RAPGEF2: variants seen among roughly 807,000 people sequenced by gnomAD.
RAPGEF2 encodes PDZ domain containing guanine nucleotide exchange factor (GEF) 1.
In RAPGEF2, 54 loss-of-function variants were observed where a neutral mutation model predicts 186.7. The observed-to-expected ratio is 0.29, with a 90% confidence interval of 0.23 to 0.36. The LOEUF (loss-of-function observed/expected upper bound fraction) is 0.36. RAPGEF2 is among the 10% of genes least tolerant of loss of function. The probability of loss-of-function intolerance (pLI) is 1.00; values close to 1 mark genes in which losing one functional copy is unlikely to be tolerated. For missense variants in RAPGEF2, 1,532 were observed against 2,045.0 expected (o/e 0.75, Z 4.84); for synonymous variants, 712 against 705.9 (o/e 1.01, Z -0.14).
chr4:159,345,293 A>G lies in RAPGEF2; in HGVS notation c.3466A>G (p.Thr1156Ala). 6.2e-7 allele frequency: 1 copy of G among 1,614,174 alleles called. No homozygotes were observed. The highest frequency in any genetic ancestry group is 8.5e-7 in the Non-Finnish European group (1 of 1,180,030). ...ELEMDEESLQ[T>A]LSLQCEPATN... ...AGAAATGGACGAGGAGAGTCTTCAGACATTATCTCTGCAGTGTGAGCCAGC... is the reference window on the plus strand; with the variant it reads ...AGAAATGGACGAGGAGAGTCTTCAGGCATTATCTCTGCAGTGTGAGCCAGC... Residue 1156 changes from threonine (T) to alanine (A), a missense_variant, in exon 24 of 30, where the codon ACA becomes GCA. Around this residue, in one of 4 missense-constraint regions of RAPGEF2, gnomAD observed 117 missense variants for 180.8 expected, o/e 0.65. Transcript: ENST00000691494.
intron 1 of RAPGEF2, among the ~76,000 whole-genome samples, chr4:159,182,840 A>G (rs1378217160): frequency 6.6e-6 from 1 of 152,164 alleles, no homozygotes; most frequent in Non-Finnish European, 1.5e-5. Flanking sequence ...TTTTTTTCTT[A>G]ATTAAAAGGA....
intron 29 of RAPGEF2, among the ~76,000 whole-genome samples, chr4:159,357,274 TC>T (rs1732167307): frequency 1.3e-5 from 2 of 152,158 alleles, no homozygotes; most frequent in South Asian, 2.1e-4. Flanking sequence ...AGTGGAAGGA[TC>T]ACTTGAGCCC....
intron 1 of RAPGEF2, among the ~76,000 whole-genome samples, chr4:159,169,137 T>G (rs1199404360): frequency 6.6e-6 from 1 of 152,054 alleles, no homozygotes; most frequent in East Asian, 1.9e-4. Flanking sequence ...ACCAGTGAAC[T>G]GCAAATGAAG....
At chr4:159,153,411 G>C (rs1743772886) in intron 1 of RAPGEF2, among the ~76,000 whole-genome samples, 2 of 152,160 alleles carry the variant, frequency 1.3e-5, no homozygotes, top group African/African-American at 4.8e-5. Context: ...TGAAGTGTGA[G>C]AACCACTGTT....
Position 159,226,393 on chromosome 4 carries a change from G to C in RAPGEF2, c.282-12416G>C, listed in dbSNP as rs959659749. Among the ~76,000 whole-genome samples the C allele has an allele frequency of 2.6e-5, 4 of 152,236 alleles. No individual in the cohort carries two copies. The East Asian group carries it at 7.7e-4, about 29-fold the overall frequency. On this transcript the variant is annotated intron_variant, in intron 4 of 29. Coordinates refer to ENST00000691494, the MANE Select transcript of RAPGEF2 (RefSeq NM_001394067.2). ...GTTCTTCCACCAATACCACATTTGT[G>C]TAACTTTATAGTCACTTTTGAAGTC...
chr4:159,163,777 CAAG>C (rs1270142104), intron 1 of RAPGEF2, among the ~76,000 whole-genome samples: 1 of 151,322 alleles, frequency 6.6e-6, no homozygotes, highest in African/African-American at 2.5e-5. Context: ...TAAAAAATGC[CAAG>C]AAGGGGTTAC....
In RAPGEF2 at chr4:159,161,067, A is replaced by G. The variant is rs142935257; in HGVS notation, c.70-25575A>G. Among the ~76,000 whole-genome samples the G allele has an allele frequency of 2.7e-3, 410 of 152,324 alleles. 1 individual carries two copies. The highest frequency in any genetic ancestry group is 9.2e-3 in the African/African-American group (383 of 41,580). On this transcript the variant is annotated intron_variant, in intron 1 of 29. Transcript: ENST00000691494. ...TAAGATGGGAATTTACATGGGATAA[A>G]AGAAAAAAGTACCTTAAATGAGGAC...
At chr4:159,196,325 G>A (rs139780499) in intron 3 of RAPGEF2, among the ~76,000 whole-genome samples, 22 of 151,804 alleles carry the variant, frequency 1.4e-4, no homozygotes, top group African/African-American at 3.9e-4. Context: ...CCTCTTTTTC[G>A]GACCTGTTAT....
At chr4:159,344,198 TGG>T (rs1256426376) in intron 23 of RAPGEF2, 139 bp downstream of exon 23, 1 of 839,380 alleles carries the variant, frequency 1.2e-6, no homozygotes, top group African/African-American at 1.7e-5. Flanking sequence ...GAATTTCAGA[TGG>T]CAAATTGACT....
intron 3 of RAPGEF2, among the ~76,000 whole-genome samples, chr4:159,195,842 C>T (rs1199400963): frequency 2.1e-5 from 3 of 141,932 alleles, no homozygotes; most frequent in Non-Finnish European, 4.5e-5. Context: ...TTATTTAAAT[C>T]GAAGGTAGAT....
At chr4:159,149,772 A>ATCT (rs1743334736) in intron 1 of RAPGEF2, among the ~76,000 whole-genome samples, 1 of 152,212 alleles carries the variant, frequency 6.6e-6, no homozygotes, top group Non-Finnish European at 1.5e-5. Context: ...TCTGGTAAGC[A>ATCT]TCTTATAGAG....
At chr4:159,220,474 TC>T (rs890050755) in intron 4 of RAPGEF2, among the ~76,000 whole-genome samples, 5 of 152,144 alleles carry the variant, frequency 3.3e-5, no homozygotes, top group Admixed American at 1.3e-4. Flanking sequence ...ATTTGGGAAT[TC>T]CGTGATTTCC....
chr4:159,141,574 C>CT (rs1742335541), intron 1 of RAPGEF2, among the ~76,000 whole-genome samples: 1 of 147,850 alleles, frequency 6.8e-6, no homozygotes, highest in Non-Finnish European at 1.5e-5. Flanking sequence ...ATTATGGAGA[C>CT]TAAGTGTGTA....
chr4:159,355,899 C>CG lies in RAPGEF2; in HGVS notation c.4698_4699insG (p.Tyr1567ValfsTer8). Reference sequence around the variant, plus strand: ...GAGAGCCCCCGCCCACCCCTCCCGGCTACATTGGAATTCCCATTACTGACT... The same window carrying CG: ...GAGAGCCCCCGCCCACCCCTCCCGGCGTACATTGGAATTCCCATTACTGACT... On this transcript the variant is annotated frameshift_variant, in exon 29 of 30. Coordinates refer to ENST00000691494, the MANE Select transcript of RAPGEF2 (RefSeq NM_001394067.2). LOFTEE classifies it high-confidence loss of function. 6.4e-7 allele frequency: 1 copy of CG among 1,550,938 alleles called. No individual in the cohort carries two copies. Among genetic ancestry groups the CG allele is most frequent in the Non-Finnish European group, 8.7e-7 (1 of 1,147,394 alleles).
chr4:159,299,678 A>G (rs1374048794), intron 7 of RAPGEF2, among the ~76,000 whole-genome samples: 1 of 152,020 alleles, frequency 6.6e-6, no homozygotes, highest in Non-Finnish European at 1.5e-5. Context: ...GTATTTACTT[A>G]TTGGTATCAG....
At position 159,241,301 on chromosome 4, in the gene RAPGEF2, A is replaced by G; in HGVS notation, c.458A>G (p.Gln153Arg). 6.5e-7 allele frequency: 1 copy of G among 1,533,186 alleles called. No individual in the cohort carries two copies. Among genetic ancestry groups the G allele is most frequent in the Non-Finnish European group, 8.7e-7 (1 of 1,145,122 alleles). 95.0% of individuals were successfully genotyped at this position (1,533,186 alleles called of 1,614,324 possible). ...AAAATCAACCAGAAAGGTGAAAGAC[A>G]AACAATTATTGACACTGTGGATCCT... ...FRKINQKGER[Q>R]TIIDTVDPYP... The change falls in exon 6 of 30, where the codon CAA (glutamine) becomes CGA (arginine). Residue 153 changes from glutamine to arginine, a missense_variant. Coordinates refer to ENST00000691494, the MANE Select transcript of RAPGEF2 (RefSeq NM_001394067.2).
chr4:159,138,218 A>C (rs1040719671), intron 1 of RAPGEF2, among the ~76,000 whole-genome samples: 1 of 152,196 alleles, frequency 6.6e-6, no homozygotes, highest in Admixed American at 6.5e-5. Context: ...TTTGAAATGG[A>C]TGGAGACACA....
chr4:159,151,284 T>C (rs1743505812), intron 1 of RAPGEF2, among the ~76,000 whole-genome samples: 1 of 152,190 alleles, frequency 6.6e-6, no homozygotes, highest in South Asian at 2.1e-4. Context: ...CTGCAGTCAA[T>C]GATAAACGCT....
intron 3 of RAPGEF2, among the ~76,000 whole-genome samples, chr4:159,196,569 C>G (rs886727849): frequency 6.6e-6 from 1 of 152,144 alleles, no homozygotes; most frequent in Non-Finnish European, 1.5e-5. Context: ...TTTTTCTCAC[C>G]TATAATGTGG....
Sources: allele counts gnomAD v4.1 joint callset (sites outside exome capture counted in the v4.1 genomes callset), GRCh38; gene constraint gnomAD v4.1.1; regional missense constraint gnomAD v4.1.1; transcripts MANE v1.5; gene names NCBI Gene and HGNC (gene_info 2026-07-23, HGNC 2026-07-21).